BTAF1: variants seen among roughly 807,000 people sequenced by gnomAD.
BTAF1 encodes B-TFIID TATA-box binding protein associated factor 1.
In BTAF1, 38 loss-of-function variants were observed where a neutral mutation model predicts 227.1. That is an observed-to-expected ratio of 0.17 (90% confidence interval 0.13 to 0.22). The LOEUF is 0.22. BTAF1 is among the 10% of genes least tolerant of loss of function. BTAF1 has a pLI of 1.00. For synonymous variants in BTAF1, 742 were observed against 751.9 expected (o/e 0.99, Z 0.21); for missense variants, 1,598 against 2,204.0 (o/e 0.73, Z 5.51).
At chr10:91,979,038 CTCA>C (rs900923359) in intron 14 of BTAF1, among the ~76,000 whole-genome samples, 1 of 151,912 alleles carries the variant, frequency 6.6e-6, no homozygotes, top group Non-Finnish European at 1.5e-5. Flanking sequence ...TCCTTGTGTT[CTCA>C]TCAGCTAGCT....
intron 25 of BTAF1, among the ~76,000 whole-genome samples, chr10:92,004,406 A>G (rs1849742500): frequency 6.6e-6 from 1 of 152,124 alleles, no homozygotes; most frequent in Non-Finnish European, 1.5e-5. Flanking sequence ...TTCATTTGTA[A>G]TGCTGGAAAT....
At chr10:91,969,336 T>G (rs1322053341) in intron 14 of BTAF1, among the ~76,000 whole-genome samples, 1 of 151,972 alleles carries the variant, frequency 6.6e-6, no homozygotes. Context: ...ATACTTTTTT[T>G]GCCACAAAAA....
intron 1 of BTAF1, among the ~76,000 whole-genome samples, chr10:91,930,814 G>T (rs566869153): frequency 1.6e-4 from 24 of 152,132 alleles, no homozygotes; most frequent in African/African-American, 5.8e-4. Flanking sequence ...CTGTACTTTT[G>T]CCACGTGTAA....
chr10:92,024,932 C>T lies in BTAF1; in HGVS notation c.5040C>T (p.Ser1680=), dbSNP rs377283629. 1 of 1,614,052 alleles carries T rather than the reference C, an allele frequency of 6.2e-7. No individual in the cohort carries two copies. The highest frequency in any genetic ancestry group is 8.5e-7 in the Non-Finnish European group (1 of 1,179,994). Residue 1680 remains serine, a synonymous_variant, in exon 35 of 38, where the codon AGC becomes AGT. Transcript: ENST00000265990. ...TCACTTATTTGAGATTAGATGGCAG[C>T]ATACCTCCTGGTCAGAGGCATTCCA... ...PSVTYLRLDG[S]IPPGQRHSIV...
intron 19 of BTAF1, among the ~76,000 whole-genome samples, chr10:91,987,838 A>G (rs1848508777): frequency 6.6e-6 from 1 of 151,760 alleles, no homozygotes; most frequent in African/African-American, 2.4e-5. Flanking sequence ...ACACTTATTC[A>G]CTTCTGCTCA....
chr10:91,970,402 T>C (rs1847205491), intron 14 of BTAF1, among the ~76,000 whole-genome samples: 1 of 152,206 alleles, frequency 6.6e-6, no homozygotes, highest in East Asian at 1.9e-4. Context: ...AGAGGTTTAA[T>C]TGGACTTAGT....
At chr10:92,001,228 C>G (rs908995793) in intron 25 of BTAF1, among the ~76,000 whole-genome samples, 1 of 152,148 alleles carries the variant, frequency 6.6e-6, no homozygotes. Context: ...ACAGAATTAG[C>G]AAAACAGAGT....
chr10:92,016,935 TAA>T (rs1195815217), intron 33 of BTAF1, among the ~76,000 whole-genome samples: 1 of 152,210 alleles, frequency 6.6e-6, no homozygotes, highest in South Asian at 2.1e-4. Flanking sequence ...ACTTTAATAT[TAA>T]AATTAAATGT....
At chr10:91,957,558 TA>T (rs1183526504) in intron 8 of BTAF1, among the ~76,000 whole-genome samples, 2 of 151,998 alleles carry the variant, frequency 1.3e-5, no homozygotes, top group Non-Finnish European at 2.9e-5. Context: ...TCCCAGGCAG[TA>T]AAAAAAATAC....
rs148587937 is a variant in BTAF1 at position 91,946,502 on chromosome 10, C to T, written c.400+3934C>T. ...TAACTGTATTTTACCATTTGAGAAA[C>T]TGCCAGAGTTTTCCAAAGTGGCTCT... On this transcript the variant is annotated intron_variant, in intron 4 of 37. Transcript: ENST00000265990. 5.1e-4 allele frequency among the ~76,000 whole-genome samples: 77 copies of T among 152,306 alleles called. 1 individual carries two copies. The highest frequency in any genetic ancestry group is 1.8e-3 in the African/African-American group (75 of 41,568).
chr10:92,008,007 A>C (rs1297269522), intron 25 of BTAF1, 116 bp from the exon 26 acceptor site: 4 of 977,538 alleles, frequency 4.1e-6, no homozygotes, highest in Non-Finnish European at 4.6e-6. Context: ...TTTGTCTTCA[A>C]GTCTTTGTAC....
chr10:91,994,678 A>T (rs544301053), intron 23 of BTAF1, 34 bp downstream of exon 23: 3 of 1,537,524 alleles, frequency 2.0e-6, no homozygotes, highest in African/African-American at 2.7e-5. Context: ...TATTTCTTCA[A>T]ATAAAACAAG....
At chr10:92,003,261 TTTAA>T (rs1392800534) in intron 25 of BTAF1, among the ~76,000 whole-genome samples, 1 of 152,182 alleles carries the variant, frequency 6.6e-6, no homozygotes, top group East Asian at 1.9e-4. Context: ...TGAAAACCCA[TTTAA>T]TTAAGTTTTA....
chr10:91,954,372 A>G (rs1845953584), intron 6 of BTAF1, among the ~76,000 whole-genome samples: 1 of 152,132 alleles, frequency 6.6e-6, no homozygotes, highest in African/African-American at 2.4e-5. Context: ...ATGATAATCT[A>G]GGCTAGTTTA....
chr10:92,005,936 A>G (rs949409964), intron 25 of BTAF1, among the ~76,000 whole-genome samples: 1 of 151,836 alleles, frequency 6.6e-6, no homozygotes, highest in Non-Finnish European at 1.5e-5. Flanking sequence ...CAGCAGCACA[A>G]TCACAGCTCA....
At chr10:92,011,209 T>C in intron 29 of BTAF1, 59 bp downstream of exon 29, 2 of 1,518,700 alleles carry the variant, frequency 1.3e-6, no homozygotes, top group South Asian at 2.5e-5. Context: ...TCTTAATATT[T>C]TCCCACTTTA....
At chr10:91,945,127 C>T (rs1467612136) in intron 4 of BTAF1, among the ~76,000 whole-genome samples, 1 of 151,780 alleles carries the variant, frequency 6.6e-6, no homozygotes, top group Non-Finnish European at 1.5e-5. Flanking sequence ...CATTAAATGG[C>T]ATGTGGCTGG....
chr10:92,002,926 G>A (rs897620823), intron 25 of BTAF1, among the ~76,000 whole-genome samples: 7 of 152,070 alleles, frequency 4.6e-5, no homozygotes, highest in African/African-American at 7.2e-5. Context: ...TTGGGAGGCC[G>A]AGGTGGGTGG....
chr10:91,942,557 A>G lies in BTAF1; in HGVS notation c.389A>G (p.Asp130Gly). ...GSAGAEFEVQ[D>G]EKSGEVDPKE... The stretch of plus-strand genomic sequence containing the variant: ...GCTGGTGCCGAATTTGAAGTCCAAG[A>G]TGAAAAATCAGGTCTGTAGTGGTTC... The change falls in exon 4 of 38, where the codon GAT (aspartate) becomes GGT (glycine). Residue 130 changes from aspartate to glycine, a missense_variant. Asp to Gly is a moderately conservative substitution (Grantham distance 94, BLOSUM62 -1). Coordinates refer to ENST00000265990, the MANE Select transcript of BTAF1 (RefSeq NM_003972.3). 6.2e-7 allele frequency: 1 copy of G among 1,614,106 alleles called. No individual in the cohort carries two copies. Among genetic ancestry groups the G allele is most frequent in the Non-Finnish European group, 8.5e-7 (1 of 1,180,004 alleles).
Sources: allele counts gnomAD v4.1 joint callset (sites outside exome capture counted in the v4.1 genomes callset), GRCh38; gene constraint gnomAD v4.1.1; transcripts MANE v1.5; gene names NCBI Gene and HGNC (gene_info 2026-07-23, HGNC 2026-07-21).